Variants in PDCD6IP observed in about 807,000 individuals in gnomAD.
PDCD6IP encodes programmed cell death 6 interacting protein.
A neutral mutation model predicts 103.7 loss-of-function variants in PDCD6IP; 43 were observed. That is an observed-to-expected ratio of 0.41 (90% CI 0.32 to 0.53). The LOEUF is 0.53. Ranked by LOEUF, PDCD6IP falls within the 20% of genes least tolerant of loss-of-function variation. PDCD6IP has a pLI of 0.16. For synonymous variants in PDCD6IP, 354 were observed against 378.7 expected, an observed-to-expected ratio of 0.93 and a Z score of 0.76; for missense variants, 871 against 1,036.7, an observed-to-expected ratio of 0.84 and a Z score of 2.20.
At chr3:33,810,220 A>G (rs28845590) in intron 1 of PDCD6IP, among the ~76,000 whole-genome samples, 44,134 of 152,058 alleles carry the variant, frequency 0.29, 6,625 homozygotes, top group East Asian at 0.41. Context: ...ATGGTACCGT[A>G]GGATAGAGTT....
intron 1 of PDCD6IP, among the ~76,000 whole-genome samples, chr3:33,802,167 A>C (rs1490837352): frequency 6.6e-6 from 1 of 152,196 alleles, no homozygotes; most frequent in Non-Finnish European, 1.5e-5. Context: ...TATTGTTCTC[A>C]GGTCCAGGTT....
intron 6 of PDCD6IP, chr3:33,826,917 A>G (rs62252774): frequency 1.8e-3 from 1,835 of 1,029,402 alleles, no homozygotes; most frequent in Non-Finnish European, 2.1e-3. Flanking sequence ...AAGCATGTAT[A>G]CTTGAGCATG....
intron 2 of PDCD6IP, among the ~76,000 whole-genome samples, chr3:33,812,464 T>C (rs1047009765): frequency 3.3e-5 from 5 of 152,224 alleles, no homozygotes; most frequent in African/African-American, 9.6e-5. Context: ...GAATTATTAG[T>C]CTCAGTTTAT....
Position 33,852,620 on chromosome 3 carries a change from G to A in PDCD6IP, c.1774G>A (p.Gly592Ser). The A allele has an allele frequency of 1.2e-6, 2 of 1,604,276 alleles. No individual in the cohort carries two copies. The highest frequency in any genetic ancestry group is 1.1e-5 in the South Asian group (1 of 88,152). The change falls in exon 13 of 18, where the codon GGT becomes AGT. Residue 592 changes from glycine (G) to serine (S), a missense_variant. Gly to Ser is a moderately conservative substitution (Grantham distance 56). Coordinates refer to ENST00000307296, the MANE Select transcript of PDCD6IP (RefSeq NM_013374.6). The part of the protein sequence containing the change: ...SKFLTALAQD[G>S]VINEEALSVT... ...GTTTTTGACAGCCCTGGCTCAAGAT[G>A]GTGTGATAAATGAAGAAGCTCTTTC...
intron 1 of PDCD6IP, among the ~76,000 whole-genome samples, chr3:33,810,218 G>A (rs1254994307): frequency 3.3e-5 from 5 of 152,148 alleles, no homozygotes; most frequent in Non-Finnish European, 7.3e-5. Context: ...CTATGGTACC[G>A]TAGGATAGAG....
At chr3:33,826,745 C>A in intron 6 of PDCD6IP, 165 bp downstream of exon 6, 1 of 1,356,942 alleles carries the variant, frequency 7.4e-7, no homozygotes, top group Non-Finnish European at 9.5e-7. Flanking sequence ...ATTTAAGATG[C>A]ATGAACAATT....
chr3:33,835,196 A>G (rs552817891), intron 7 of PDCD6IP: 12 of 455,934 alleles, frequency 2.6e-5, no homozygotes, highest in South Asian at 1.9e-4. Context: ...TTAAAAAAAA[A>G]TTCTTATTGA....
chr3:33,856,219 G>C (rs1697826015), intron 15 of PDCD6IP, among the ~76,000 whole-genome samples: 1 of 152,212 alleles, frequency 6.6e-6, no homozygotes, highest in African/African-American at 2.4e-5. Context: ...CATGAGACCG[G>C]TCCCTGGTGC....
chr3:33,818,041 T>C (rs1696895146), intron 3 of PDCD6IP, among the ~76,000 whole-genome samples: 1 of 151,390 alleles, frequency 6.6e-6, no homozygotes, highest in African/African-American at 2.4e-5. Flanking sequence ...CTGAGATATG[T>C]ATCCAATATA....
chr3:33,864,862 GATT>G (rs1355105246), intron 16 of PDCD6IP, among the ~76,000 whole-genome samples: 3 of 152,172 alleles, frequency 2.0e-5, no homozygotes, highest in African/African-American at 7.2e-5. Flanking sequence ...GTAGATGTGT[GATT>G]ATTTTATATA....
Position 33,813,593 on chromosome 3 carries a change from A to G in PDCD6IP, c.299A>G (p.Asp100Gly). The G allele has an allele frequency of 1.9e-6, 3 of 1,609,822 alleles. No homozygotes were observed. Among genetic ancestry groups the G allele is most frequent in the Non-Finnish European group, 2.5e-6 (3 of 1,176,584 alleles). Residue 100 changes from aspartate (D) to glycine (G), a missense_variant, in exon 3 of 18, where the codon GAT becomes GGT. Asp to Gly is a moderately conservative substitution (Grantham distance 94). This residue lies in a region of PDCD6IP where 47 missense variants were observed against 83.7 expected (regional missense o/e 0.56). Coordinates refer to ENST00000307296, the MANE Select transcript of PDCD6IP (RefSeq NM_013374.6). ...ACATTTACCTGGAAGGATGCTTTCG[A>G]TAAAGGTTCACTTTTTGGAGGCTCT... ...CLTFTWKDAFDKGSLFGGSVK... is the reference protein window; with the variant it reads ...CLTFTWKDAFGKGSLFGGSVK...
chr3:33,837,062 A>G (rs1697365474), intron 8 of PDCD6IP, among the ~76,000 whole-genome samples: 1 of 151,760 alleles, frequency 6.6e-6, no homozygotes, highest in Non-Finnish European at 1.5e-5. Flanking sequence ...CTGGGACTAC[A>G]GGCGCCTGCC....
chr3:33,857,513 A>T (rs777057288), intron 15 of PDCD6IP, among the ~76,000 whole-genome samples: 2 of 152,256 alleles, frequency 1.3e-5, no homozygotes, highest in Non-Finnish European at 2.9e-5. Flanking sequence ...AACAAAGATT[A>T]ATACAAAACA....
chr3:33,838,224 C>T lies in PDCD6IP; in HGVS notation c.1078C>T (p.Pro360Ser), dbSNP rs543386492. ...TTTAGATCTGTTTGAGAAGATGGTT[C>T]CCGTGTCAGTACAGCAGTCTTTGGC... ...KFTDLFEKMV[P>S]VSVQQSLAAY... Residue 360 changes from proline to serine, a missense_variant, in exon 9 of 18, where the codon CCC (proline) becomes TCC (serine). Pro to Ser is a moderately conservative substitution (Grantham distance 74, BLOSUM62 -1). This residue lies in a region of PDCD6IP where 242 missense variants were observed against 250.7 expected (regional missense o/e 0.97). Transcript: ENST00000307296. 1 of 1,613,390 alleles carries T rather than the reference C, an allele frequency of 6.2e-7. No individual in the cohort carries two copies. Among genetic ancestry groups the T allele is most frequent in the Admixed American group, 1.7e-5 (1 of 59,922 alleles).
chr3:33,851,248 C>G (rs1161361556), intron 12 of PDCD6IP, among the ~76,000 whole-genome samples: 1 of 151,188 alleles, frequency 6.6e-6, no homozygotes, highest in Admixed American at 6.6e-5. Flanking sequence ...TTGTCTTTCC[C>G]CCAGTTTTCT....
At chr3:33,863,788 G>C (rs1044214814) in intron 15 of PDCD6IP, 6 of 521,850 alleles carry the variant, frequency 1.1e-5, no homozygotes, top group Non-Finnish European at 2.0e-5. Context: ...CAGTGGGATT[G>C]TTGGATCATA....
intron 1 of PDCD6IP, among the ~76,000 whole-genome samples, chr3:33,803,431 T>G (rs190083503): frequency 1.1e-4 from 17 of 152,356 alleles, no homozygotes; most frequent in African/African-American, 4.1e-4. Flanking sequence ...ACTTTGTTTC[T>G]TTTTCTGTGA....
intron 12 of PDCD6IP, among the ~76,000 whole-genome samples, chr3:33,850,220 A>G (rs758839464): frequency 5.9e-5 from 9 of 152,196 alleles, no homozygotes; most frequent in Admixed American, 2.0e-4. Context: ...ATTGCACAGT[A>G]ACTAAGTCCA....
chr3:33,861,947 A>G (rs1407862674), intron 15 of PDCD6IP, among the ~76,000 whole-genome samples: 2 of 152,166 alleles, frequency 1.3e-5, no homozygotes, highest in Admixed American at 1.3e-4. Flanking sequence ...GTTGTTGGGC[A>G]TAGTACTAGT....
Sources: allele counts gnomAD v4.1 joint callset (sites outside exome capture counted in the v4.1 genomes callset), GRCh38; gene constraint gnomAD v4.1.1; regional missense constraint gnomAD v4.1.1; transcripts MANE v1.5; gene names NCBI Gene and HGNC (gene_info 2026-07-23, HGNC 2026-07-21).